The following IMPG2 variants were observed in gnomAD, a reference collection of about 807,000 sequenced individuals.
The protein encoded by IMPG2 is IPM 200.
In IMPG2, 91 loss-of-function variants were observed where a neutral mutation model predicts 129.2. That is an observed-to-expected ratio of 0.70 (90% CI 0.59 to 0.84). The LOEUF is 0.84. IMPG2 is among the 40% of genes least tolerant of loss of function. The pLI, the probability that IMPG2 is intolerant of heterozygous loss-of-function variation, is 0.00. For missense variants in IMPG2, 1,430 were observed against 1,461.7 expected, an observed-to-expected ratio of 0.98 and a Z score of 0.35; for synonymous variants, 510 against 517.7, an observed-to-expected ratio of 0.99 and a Z score of 0.20.
rs1386676890 is a variant in IMPG2, at chr3:101,228,831, G to A, written c.3679C>T (p.Pro1227Ser). 1 of 1,613,876 alleles carries A rather than the reference G, an allele frequency of 6.2e-7. No homozygotes were observed. The highest frequency in any genetic ancestry group is 2.2e-5 in the East Asian group (1 of 44,866). ...TCTCTCACAAAAGCTGCAAACTCAG[G>A]ATCATTGGCATACAGTTCCAAAACT... is the stretch of plus-strand genomic sequence containing the variant. ...MRVLELYAND[P>S]EFAAFVREQQ... Residue 1227 changes from proline (P) to serine (S), a missense_variant, in exon 18 of 19, where the codon CCT becomes TCT. Coordinates refer to ENST00000193391, the MANE Select transcript of IMPG2 (RefSeq NM_016247.4).
intron 11 of IMPG2, among the ~76,000 whole-genome samples, chr3:101,251,869 A>G (rs1289994708): frequency 1.3e-5 from 2 of 152,174 alleles, no homozygotes; most frequent in African/African-American, 4.8e-5. Flanking sequence ...AAATCTTGCT[A>G]ACAATTGGCA....
chr3:101,236,517 G>T lies in IMPG2; in HGVS notation c.3023-3526C>A, dbSNP rs527395297. ...TGAGGTACCTGGCTCATCTCATTGGGACTGATTGGACAGTGGGTGCAGCCC... is the reference window on the plus strand; with the variant it reads ...TGAGGTACCTGGCTCATCTCATTGGTACTGATTGGACAGTGGGTGCAGCCC... On this transcript the variant is annotated intron_variant, in intron 14 of 18. Transcript: ENST00000193391. Among the ~76,000 whole-genome samples the T allele has an allele frequency of 5.3e-5, 8 of 152,270 alleles. No individual in the cohort carries two copies. In the East Asian group the frequency reaches 1.5e-3, roughly 29 times the overall value.
intron 4 of IMPG2, among the ~76,000 whole-genome samples, chr3:101,286,814 G>A (rs1303028248): frequency 6.6e-6 from 1 of 152,196 alleles, no homozygotes; most frequent in Non-Finnish European, 1.5e-5. Flanking sequence ...TGCACAGAAA[G>A]ATGGGACAGT....
chr3:101,286,998 A>C (rs1448970233), intron 4 of IMPG2, among the ~76,000 whole-genome samples: 1 of 152,206 alleles, frequency 6.6e-6, no homozygotes, highest in Admixed American at 6.5e-5. Flanking sequence ...GGTATTTATT[A>C]GTTGATACAT....
At chr3:101,234,709 T>C (rs1003811694) in intron 14 of IMPG2, among the ~76,000 whole-genome samples, 9 of 152,204 alleles carry the variant, frequency 5.9e-5, no homozygotes, top group Non-Finnish European at 1.0e-4. Context: ...CAGTGAGGGA[T>C]AGGAGTGTCT....
chr3:101,271,916 G>T (rs899989215), intron 7 of IMPG2, among the ~76,000 whole-genome samples: 1 of 152,152 alleles, frequency 6.6e-6, no homozygotes, highest in Admixed American at 6.5e-5. Context: ...CATGACTGCT[G>T]TGAGCAAACA....
rs1706755382 is a variant in IMPG2 at position 101,269,525 on chromosome 3, G to A, written c.877C>T (p.Leu293Phe). The A allele has an allele frequency of 6.3e-7, 1 of 1,582,044 alleles. No homozygotes were observed. The highest frequency in any genetic ancestry group is 1.7e-4 in the Middle Eastern group (1 of 6,012). Residue 293 changes from leucine (L) to phenylalanine (F), a missense_variant, in exon 8 of 19, where the codon CTT becomes TTT. Transcript: ENST00000193391. ...GATAAGTCTATTTACCTAAATTCAA[G>A]TACACGAATTTCCTTGTAGCCTGGT... Reference protein sequence around the residue: ...GLPGYKEIRVLEFRSPKENDS... With the variant: ...GLPGYKEIRVFEFRSPKENDS...
chr3:101,256,213 GAAAGAAAA>G (rs1302726113), intron 10 of IMPG2, among the ~76,000 whole-genome samples: 10 of 140,858 alleles, frequency 7.1e-5, no homozygotes, highest in African/African-American at 1.1e-4. Context: ...AAGAAAGAAA[GAAAGAAAA>G]AAATATCTTA....
intron 14 of IMPG2, among the ~76,000 whole-genome samples, chr3:101,241,503 CCAGA>C (rs1416257354): frequency 1.3e-5 from 2 of 152,074 alleles, no homozygotes; most frequent in Non-Finnish European, 2.9e-5. Flanking sequence ...GGCTACTGAA[CCAGA>C]CAGCCATTCA....
chr3:101,241,001 G>T (rs767247853), intron 14 of IMPG2, among the ~76,000 whole-genome samples: 1 of 152,114 alleles, frequency 6.6e-6, no homozygotes, highest in African/African-American at 2.4e-5. Context: ...TGCATCCAAG[G>T]CTTCCAAATA....
At chr3:101,290,353 C>CA (rs1706994302) in intron 4 of IMPG2, among the ~76,000 whole-genome samples, 1 of 151,880 alleles carries the variant, frequency 6.6e-6, no homozygotes, top group African/African-American at 2.4e-5. Context: ...CAGAAAAATA[C>CA]AAAAAAGTTA....
chr3:101,228,897 T>G (rs370208536), intron 17 of IMPG2, 21 bp from the exon 18 acceptor site: 1 of 1,564,564 alleles, frequency 6.4e-7, no homozygotes, highest in African/African-American at 1.4e-5. Flanking sequence ...AAAGAAACAA[T>G]AGGCCACACA....
chr3:101,254,838 C>T (rs11717020), intron 10 of IMPG2, among the ~76,000 whole-genome samples: 3,688 of 152,006 alleles, frequency 0.024, 54 homozygotes, highest in Non-Finnish European at 0.037. Flanking sequence ...CAGATTTCCT[C>T]CTTGCTGTTC....
Position 101,244,447 on chromosome 3 carries a change from C to G in IMPG2, c.1884G>C (p.Leu628=). 1.2e-6 allele frequency: 2 copies of G among 1,614,184 alleles called. No individual in the cohort carries two copies. The highest frequency in any genetic ancestry group is 1.7e-4 in the Middle Eastern group (1 of 6,060). Residue 628 remains leucine (L), a synonymous_variant, in exon 13 of 19, where the codon CTG becomes CTC. Transcript: ENST00000193391. The part of the protein sequence containing the change: ...ETSSEKSAEP[L]SKPWLEDDDS... ...CATCATCTTCAAGCCACGGCTTGGA[C>G]AGTGGTTCAGCGCTCTTCTCTGATG...
intron 15 of IMPG2, among the ~76,000 whole-genome samples, chr3:101,231,513 G>A (rs1020265763): frequency 6.6e-6 from 1 of 152,188 alleles, no homozygotes; most frequent in Non-Finnish European, 1.5e-5. Context: ...TAGAACCCAG[G>A]CCTCCAGACG....
intron 3 of IMPG2, among the ~76,000 whole-genome samples, chr3:101,302,135 C>A (rs1707145314): frequency 6.6e-6 from 1 of 152,222 alleles, no homozygotes; most frequent in African/African-American, 2.4e-5. Flanking sequence ...TTATCATTTA[C>A]AACTCTATCT....
intron 5 of IMPG2, 30 bp downstream of exon 5, chr3:101,276,634 A>C (rs1007987564): frequency 4.7e-6 from 7 of 1,500,612 alleles, no homozygotes; most frequent in Admixed American, 3.3e-5. Flanking sequence ...TAATTTTAAA[A>C]GAAAAGTGAA....
chr3:101,267,531 C>T lies in IMPG2; in HGVS notation c.888G>A (p.Arg296=). 2 of 1,610,052 alleles carry T rather than the reference C, an allele frequency of 1.2e-6. No homozygotes were observed. The highest frequency in any genetic ancestry group is 2.2e-5 in the East Asian group (1 of 44,774). Residue 296 remains arginine, a splice_region_variant and synonymous_variant, in exon 9 of 19, where the codon AGG becomes AGA. Coordinates refer to ENST00000193391, the MANE Select transcript of IMPG2 (RefSeq NM_016247.4). ...GYKEIRVLEF[R]SPKENDSGVD... is the part of the protein sequence containing the mutation. ...AGTACCTGTCATTTTCCTTGGGGGA[C>T]CTGAAAACAAAAATTAAAAATATTA... is the stretch of plus-strand genomic sequence containing the variant.
intron 7 of IMPG2, among the ~76,000 whole-genome samples, chr3:101,270,931 T>C (rs1002731394): frequency 3.3e-5 from 5 of 152,134 alleles, no homozygotes; most frequent in African/African-American, 9.7e-5. Context: ...AGGAAATAAA[T>C]TGATGGACCT....
Sources: allele counts gnomAD v4.1 joint callset (sites outside exome capture counted in the v4.1 genomes callset), GRCh38; gene constraint gnomAD v4.1.1; transcripts MANE v1.5; gene names NCBI Gene and HGNC (gene_info 2026-07-23, HGNC 2026-07-21).